Variants in CEP44 observed in about 807,000 individuals in gnomAD.
CEP44 encodes the protein centrosomal protein of 44 kDa.
Under a neutral mutation model 46.7 loss-of-function variants are expected in CEP44, and 45 were observed. The ratio of observed to expected loss-of-function variants is 0.96; its 90% CI spans 0.76 to 1.24. The LOEUF (loss-of-function observed/expected upper bound fraction) is 1.24, where lower values mean the gene tolerates loss of function less well. Ranked by LOEUF, CEP44 falls within the 50% of genes most tolerant of loss-of-function variation. CEP44 has a pLI of 0.00. For missense variants in CEP44, 475 were observed against 459.7 expected (o/e 1.03, Z -0.30); for synonymous variants, 142 against 146.0 (o/e 0.97, Z 0.20).
intron 11 of CEP44, 121 bp downstream of exon 11, chr4:174,316,688 A>G (rs1741762403): frequency 2.4e-5 from 21 of 876,730 alleles, no homozygotes; most frequent in Non-Finnish European, 3.4e-5. Context: ...CAGGTGTGGA[A>G]TTTCCTTCAG....
chr4:174,308,614 A>G, intron 6 of CEP44, 75 bp from the exon 7 acceptor site: 1 of 1,448,606 alleles, frequency 6.9e-7, no homozygotes, highest in Non-Finnish European at 9.4e-7. Context: ...TGGACCCCTG[A>G]ACTTAAAAGT....
intron 8 of CEP44, among the ~76,000 whole-genome samples, chr4:174,327,437 A>G (rs1203637944): frequency 1.3e-5 from 2 of 151,958 alleles, no homozygotes; most frequent in East Asian, 1.9e-4. Flanking sequence ...TTTTTCCCCC[A>G]GAGTCTAAGA....
In CEP44 at chr4:174,312,855, T is replaced by C. The variant is rs72993314; in HGVS notation, c.961+1997T>C. ...TTACTACTCTGGGTTTAGGATCATA[T>C]TAAATCAGGAATAGTTTTTGTGAGG... On this transcript the variant is annotated intron_variant, in intron 9 of 11. Coordinates refer to ENST00000503780, the MANE Select transcript of CEP44 (RefSeq NM_001040157.3). This position sits in a 1 kb window ranked among gnomAD's most constrained non-coding sequence, Gnocchi z 4.5. Among the ~76,000 whole-genome samples, 12,133 of 152,214 alleles carry C rather than the reference T, an allele frequency of 0.08. 594 individuals are homozygous for C. Among genetic ancestry groups the C allele is most frequent in the South Asian group, 0.22 (1,064 of 4,820 alleles).
downstream of CEP44, among the ~76,000 whole-genome samples, chr4:174,320,937 T>C (rs1162857637): frequency 2.0e-5 from 3 of 152,034 alleles, no homozygotes; most frequent in Non-Finnish European, 4.4e-5. Context: ...TGAATTATGA[T>C]GACAGTGGAG....
chr4:174,317,481 G>GT lies in CEP44; in HGVS notation c.*103dup. 1 of 1,244,466 alleles carries GT rather than the reference G, an allele frequency of 8.0e-7. No homozygotes were observed. Among genetic ancestry groups the GT allele is most frequent in the Non-Finnish European group, 1.0e-6 (1 of 975,884 alleles). The allele number at this position is 1,244,466 out of a possible 1,614,324, so 77.1% of individuals were successfully genotyped here. A position where few individuals can be genotyped will look rare whatever the true frequency, so the allele number is the denominator to read the frequency against. On this transcript the variant is annotated 3_prime_UTR_variant, in exon 12 of 12. Coordinates refer to ENST00000503780, the MANE Select transcript of CEP44 (RefSeq NM_001040157.3). ...AATTTTAATATACTGCAATACTGCAGTTTTTGACAATTTGGATTCCATTTG... is the reference window on the plus strand; with the variant it reads ...AATTTTAATATACTGCAATACTGCAGTTTTTTGACAATTTGGATTCCATTTG...
At chr4:174,299,864 C>T (rs1472493451) in intron 3 of CEP44, among the ~76,000 whole-genome samples, 1 of 152,168 alleles carries the variant, frequency 6.6e-6, no homozygotes, top group Admixed American at 6.5e-5. Context: ...TATGGTACTG[C>T]AGTCATTCTG....
At chr4:174,316,108 T>C (rs911652551) in intron 9 of CEP44, 58 bp from the exon 10 acceptor site, 8 of 1,570,226 alleles carry the variant, frequency 5.1e-6, no homozygotes, top group Non-Finnish European at 5.2e-6. Flanking sequence ...ATAATATTTT[T>C]AGATATTTGA....
At position 174,309,212 on chromosome 4, in the gene CEP44, C is replaced by G. The variant is rs749204713; in HGVS notation, c.678+353C>G. Among the ~76,000 whole-genome samples, 42 of 151,990 alleles carry G rather than the reference C, an allele frequency of 2.8e-4. No individual in the cohort carries two copies. The highest frequency in any genetic ancestry group is 5.9e-4 in the Non-Finnish European group (40 of 67,932). ...TATTGGTGAATGGAAAAGATTGGCA[C>G]TTTATTGCCTATTCATTTTCCTTTC... On this transcript the variant is annotated intron_variant, in intron 7 of 11. Coordinates refer to ENST00000503780, the MANE Select transcript of CEP44 (RefSeq NM_001040157.3). This position sits in a 1 kb window ranked among gnomAD's most constrained non-coding sequence, Gnocchi z 5.3.
chr4:174,302,878 T>G (rs534578673), intron 4 of CEP44, among the ~76,000 whole-genome samples: 2 of 151,926 alleles, frequency 1.3e-5, no homozygotes, highest in African/African-American at 4.8e-5. Flanking sequence ...CCTCCTGGGT[T>G]CAAGCAGTTC....
chr4:174,295,313 C>T (rs542883408), intron 1 of CEP44, among the ~76,000 whole-genome samples: 2 of 140,550 alleles, frequency 1.4e-5, no homozygotes, highest in African/African-American at 2.7e-5. Flanking sequence ...CAGACGGGGT[C>T]GCGGCCGGGT....
chr4:174,303,264 G>T (rs1560901309), intron 4 of CEP44, among the ~76,000 whole-genome samples: 1 of 128,064 alleles, frequency 7.8e-6, no homozygotes, highest in East Asian at 2.6e-4. Context: ...GATCTAGTGT[G>T]TTTTTTTTCA....
In CEP44 at chr4:174,288,780, A is replaced by G. The variant is rs1361329709; in HGVS notation, c.-148+4837A>G. 6.6e-6 allele frequency among the ~76,000 whole-genome samples: 1 copy of G among 152,160 alleles called. No individual in the cohort carries two copies. Among genetic ancestry groups the G allele is most frequent in the Non-Finnish European group, 1.5e-5 (1 of 68,008 alleles). ...TATTCTGGCTAGGACTTAAAATACT[A>G]CGCTGAATAGGAGAGGCTAAAGTAG... On this transcript the variant is annotated intron_variant, in intron 1 of 11. Transcript: ENST00000503780. The surrounding 1 kb of genome is among the most constrained non-coding windows in gnomAD (Gnocchi z 4.6).
intron 1 of CEP44, among the ~76,000 whole-genome samples, chr4:174,293,788 T>G (rs187555550): frequency 3.3e-4 from 51 of 152,324 alleles, no homozygotes; most frequent in African/African-American, 1.2e-3. Flanking sequence ...TTATTTCCTT[T>G]GCTTGCTTCA....
rs937439039 is a variant in CEP44, at chr4:174,312,299, A to G, written c.961+1441A>G. 4.0e-5 allele frequency among the ~76,000 whole-genome samples: 6 copies of G among 150,748 alleles called. No homozygotes were observed. Among genetic ancestry groups the G allele is most frequent in the African/African-American group, 1.5e-4 (6 of 40,908 alleles). ...TTTTTAATTTTTTAATTTTTTTGAG[A>G]TAAGTGTGGTCTTACTCTGCTGCTC... On this transcript the variant is annotated intron_variant, in intron 9 of 11. Transcript: ENST00000503780. The surrounding 1 kb of genome is among the most constrained non-coding windows in gnomAD (Gnocchi z 4.5).
chr4:174,315,541 C>T (rs1038835622), intron 9 of CEP44, among the ~76,000 whole-genome samples: 6 of 151,894 alleles, frequency 4.0e-5, no homozygotes, highest in Non-Finnish European at 8.8e-5. Context: ...TCACTTGCCA[C>T]AGAACAGTAG....
At chr4:174,308,021 A>C in intron 6 of CEP44, among the ~76,000 whole-genome samples, 1 of 152,214 alleles carries the variant, frequency 6.6e-6, no homozygotes, top group East Asian at 1.9e-4. Flanking sequence ...AGTGTAAGTT[A>C]GTTCAACCAC....
Position 174,329,252 on chromosome 4 carries a change from A to G in CEP44, c.1087-2230A>G, listed in dbSNP as rs145950276. ...AGGTATGAGCCACCAAGCTGGCCCT[A>G]TACTTTTCCATTTTATTAGGAAGAT... On this transcript the variant is annotated intron_variant, in intron 8 of 8. Transcript: ENST00000426172. The surrounding 1 kb of genome is among the most constrained non-coding windows in gnomAD (Gnocchi z 4.0). 4.6e-5 allele frequency among the ~76,000 whole-genome samples: 7 copies of G among 152,202 alleles called. No individual in the cohort carries two copies. The South Asian group carries it at 1.2e-3, about 27-fold the overall frequency.
At position 174,302,330 on chromosome 4, in the gene CEP44, T is replaced by C. The variant is rs114436575; in HGVS notation, c.237+144T>C. 4,177 of 567,098 alleles carry C rather than the reference T, an allele frequency of 7.4e-3. 36 individuals are homozygous for C. The highest frequency in any genetic ancestry group is 0.031 in the African/African-American group (1,562 of 50,590). The allele number at this position is 567,098 out of a possible 1,614,324, so 35.1% of individuals were successfully genotyped here. A position where few individuals can be genotyped will look rare whatever the true frequency, so the allele number is the denominator to read the frequency against. ...GTATTTATCTCATTTAAATGTAGTC[T>C]CTATTGAAATCAAGATGCAATTCAT... On this transcript the variant is annotated intron_variant, in intron 4 of 11. Transcript: ENST00000503780.
chr4:174,283,978 C>T lies in CEP44; in HGVS notation c.-148+35C>T. 5.0e-6 allele frequency: 2 copies of T among 399,728 alleles called. No individual in the cohort carries two copies. Among genetic ancestry groups the T allele is most frequent in the Non-Finnish European group, 8.8e-6 (2 of 226,814 alleles). 24.8% of individuals were successfully genotyped at this position (399,728 alleles called of 1,614,324 possible). The stretch of plus-strand genomic sequence containing the variant: ...GGGCAGGAACCCACAATTCCAAATA[C>T]AAACGGTCGGCGCGAGAAGCGCTTC... On this transcript the variant is annotated intron_variant, in intron 1 of 11. Transcript: ENST00000503780. The surrounding 1 kb of genome is among the most constrained non-coding windows in gnomAD (Gnocchi z 6.7).
Sources: allele counts gnomAD v4.1 joint callset (sites outside exome capture counted in the v4.1 genomes callset), GRCh38; gene constraint gnomAD v4.1.1; non-coding constraint Gnocchi (gnomAD v3.1); transcripts MANE v1.5; gene names NCBI Gene and HGNC (gene_info 2026-07-23, HGNC 2026-07-21).